MINDY2: variants seen among roughly 807,000 people sequenced by gnomAD.
MINDY2 encodes MINDY lysine 48 deubiquitinase 2.
Under a neutral mutation model 68.2 loss-of-function variants are expected in MINDY2, and 52 were observed. The ratio of observed to expected loss-of-function variants is 0.76; its 90% confidence interval spans 0.61 to 0.96. The LOEUF (loss-of-function observed/expected upper bound fraction) is 0.96, where lower values mean the gene tolerates loss of function less well. MINDY2 is among the 40% of genes least tolerant of loss of function. The pLI is 0.00. For missense variants in MINDY2, 881 were observed against 773.4 expected (o/e 1.14, Z -1.65); for synonymous variants, 372 against 303.0 (o/e 1.23, Z -2.36).
intron 5 of MINDY2, among the ~76,000 whole-genome samples, chr15:58,826,563 TA>T (rs1247053376): frequency 6.6e-6 from 1 of 152,200 alleles, no homozygotes; most frequent in Non-Finnish European, 1.5e-5. Flanking sequence ...TTGTGAGAAT[TA>T]ATTGCAAATA....
rs1251731074 is a variant in MINDY2, at chr15:58,847,365, A to G, written c.1437A>G (p.Leu479=). ...AAGAGAAAGTTGTTTGGGAAAGCCT[A>G]CACAACGTAGATGGTGATGGAAATT... ...LTEEKVVWES[L]HNVDGDGNFC... The change falls in exon 7 of 9, where the codon CTA becomes CTG. Residue 479 remains leucine, a synonymous_variant. Transcript: ENST00000559228. The G allele has an allele frequency of 6.2e-7, 1 of 1,608,036 alleles. No homozygotes were observed. The highest frequency in any genetic ancestry group is 1.3e-5 in the African/African-American group (1 of 74,868).
chr15:58,811,919 T>G (rs767965458), intron 4 of MINDY2, among the ~76,000 whole-genome samples: 1 of 152,218 alleles, frequency 6.6e-6, no homozygotes, highest in Non-Finnish European at 1.5e-5. Flanking sequence ...CTATACTGTT[T>G]TAATATTATT....
At chr15:58,796,618 G>T (rs938820355) in intron 2 of MINDY2, among the ~76,000 whole-genome samples, 2 of 152,198 alleles carry the variant, frequency 1.3e-5, no homozygotes, top group African/African-American at 2.4e-5. Context: ...CTGCCTCCCA[G>T]GTTCAAGCAA....
At chr15:58,788,350 T>A (rs1373028792) in intron 2 of MINDY2, among the ~76,000 whole-genome samples, 2 of 152,204 alleles carry the variant, frequency 1.3e-5, no homozygotes, top group Non-Finnish European at 2.9e-5. Context: ...AAAGTGTGAT[T>A]CATGGACCTA....
chr15:58,831,678 C>G, intron 5 of MINDY2, 96 bp from the exon 6 acceptor site: 1 of 1,120,652 alleles, frequency 8.9e-7, no homozygotes, highest in Non-Finnish European at 1.3e-6. Context: ...AATTATTGGC[C>G]TTTTTCCATA....
At chr15:58,799,656 A>C (rs1902512108) in intron 2 of MINDY2, among the ~76,000 whole-genome samples, 1 of 152,112 alleles carries the variant, frequency 6.6e-6, no homozygotes. Flanking sequence ...ACCTAGCTGA[A>C]GTACCCCAAG....
chr15:58,834,991 A>G (rs1366325051), intron 6 of MINDY2, among the ~76,000 whole-genome samples: 5 of 152,214 alleles, frequency 3.3e-5, no homozygotes, highest in Non-Finnish European at 7.3e-5. Flanking sequence ...TTATTGATAC[A>G]TGGTGAATAC....
chr15:58,854,523 A>G lies in MINDY2; in HGVS notation c.1779A>G (p.Gln593=), dbSNP rs767972711. ...PAQASPSSGR[Q]SGNSERKRKE... ...AAGCCTCTCCATCAAGTGGAAGACA[A>G]TCTGGGAATAGTGAACGTAAACGGA... is the stretch of plus-strand genomic sequence containing the variant. The change falls in exon 9 of 9, where the codon CAA becomes CAG. Residue 593 remains glutamine, a synonymous_variant. Transcript: ENST00000559228. 1.6e-5 allele frequency: 26 copies of G among 1,613,972 alleles called. No individual in the cohort carries two copies. Among genetic ancestry groups the G allele is most frequent in the East Asian group, 6.7e-5 (3 of 44,870 alleles).
chr15:58,785,360 TA>T (rs200859113), intron 1 of MINDY2, among the ~76,000 whole-genome samples: 36 of 149,554 alleles, frequency 2.4e-4, no homozygotes, highest in South Asian at 4.2e-4. Context: ...TATTTGCTTC[TA>T]AAAAAAAAAT....
At chr15:58,835,730 A>G (rs563686006) in intron 6 of MINDY2, among the ~76,000 whole-genome samples, 99 of 152,308 alleles carry the variant, frequency 6.5e-4, no homozygotes, top group African/African-American at 2.2e-3. Context: ...AGTTGGCCAA[A>G]AAAGAGTTAA....
intron 7 of MINDY2, 57 bp downstream of exon 7, chr15:58,847,527 A>T: frequency 7.1e-7 from 1 of 1,413,262 alleles, no homozygotes; most frequent in South Asian, 1.7e-5. Flanking sequence ...TTCAAATGTG[A>T]ATTCATGTAT....
intron 2 of MINDY2, among the ~76,000 whole-genome samples, chr15:58,800,785 T>G (rs1249173467): frequency 6.9e-6 from 1 of 145,924 alleles, no homozygotes; most frequent in African/African-American, 2.5e-5. Flanking sequence ...CAGCAAGTCG[T>G]GATCACGCCA....
At chr15:58,822,803 G>A (rs941091347) in intron 5 of MINDY2, among the ~76,000 whole-genome samples, 3 of 152,084 alleles carry the variant, frequency 2.0e-5, no homozygotes, top group African/African-American at 4.8e-5. Flanking sequence ...TAAATACTGA[G>A]GCTATAATTC....
At chr15:58,852,262 A>G (rs640045) in intron 8 of MINDY2, among the ~76,000 whole-genome samples, 114,500 of 136,802 alleles carry the variant, frequency 0.84, 48,679 homozygotes, top group Middle Eastern at 0.93. Context: ...CACTCCAGTC[A>G]GGATGATAGA....
intron 3 of MINDY2, among the ~76,000 whole-genome samples, chr15:58,806,221 G>A (rs770092541): frequency 4.4e-4 from 66 of 151,196 alleles, no homozygotes; most frequent in Non-Finnish European, 8.4e-4. Flanking sequence ...TTACAGGCAT[G>A]TGCCACCACT....
chr15:58,822,080 T>C (rs1409831438), intron 5 of MINDY2, among the ~76,000 whole-genome samples: 1 of 151,988 alleles, frequency 6.6e-6, no homozygotes, highest in Non-Finnish European at 1.5e-5. Context: ...TGAAACCACG[T>C]GTCTACTAAA....
intron 5 of MINDY2, among the ~76,000 whole-genome samples, chr15:58,824,071 A>G (rs148480844): frequency 3.9e-5 from 6 of 152,346 alleles, no homozygotes; most frequent in Non-Finnish European, 7.4e-5. Context: ...CCAAGAAGTA[A>G]TACTTGGATA....
chr15:58,793,017 T>G lies in MINDY2; in HGVS notation c.898+5054T>G, dbSNP rs534616108. Reference sequence around the variant, plus strand: ...AACCTTATCTCTAAAAAATGAAAGTTTAAAAAAACCAGAATAGGCACATTT... The same window carrying G: ...AACCTTATCTCTAAAAAATGAAAGTGTAAAAAAACCAGAATAGGCACATTT... On this transcript the variant is annotated intron_variant, in intron 2 of 8. Transcript: ENST00000559228. Among the ~76,000 whole-genome samples, 6 of 151,626 alleles carry G rather than the reference T, an allele frequency of 4.0e-5. No homozygotes were observed. In the South Asian group the frequency reaches 1.2e-3, roughly 32 times the overall value.
chr15:58,789,725 G>A (rs766279574), intron 2 of MINDY2, among the ~76,000 whole-genome samples: 10 of 151,930 alleles, frequency 6.6e-5, no homozygotes, highest in African/African-American at 2.2e-4. Flanking sequence ...TCAGCTCACC[G>A]CAACCTCCAC....
Sources: allele counts gnomAD v4.1 joint callset (sites outside exome capture counted in the v4.1 genomes callset), GRCh38; gene constraint gnomAD v4.1.1; transcripts MANE v1.5; gene names NCBI Gene and HGNC (gene_info 2026-07-23, HGNC 2026-07-21).